PHACTR2: variants seen among roughly 807,000 people sequenced by gnomAD.
PHACTR2 encodes the protein phosphatase and actin regulator 2, also known as chromosome 6 open reading frame 56.
A neutral mutation model predicts 76.0 loss-of-function variants in PHACTR2; 30 were observed. The ratio of observed to expected loss-of-function variants is 0.39; its 90% CI spans 0.30 to 0.54. PHACTR2 has a LOEUF of 0.54. PHACTR2 is among the 20% of genes least tolerant of loss of function. PHACTR2 has a pLI of 0.61. For missense variants in PHACTR2, 696 were observed against 781.1 expected, an observed-to-expected ratio of 0.89 and a Z score of 1.30; for synonymous variants, 292 against 292.5, an observed-to-expected ratio of 1.00 and a Z score of 0.02.
rs1156894752 is a variant in PHACTR2 at position 143,731,829 on chromosome 6, A to C, written c.215-17156A>C. Among the ~76,000 whole-genome samples, 1 of 152,242 alleles carries C rather than the reference A, an allele frequency of 6.6e-6. No homozygotes were observed. Among genetic ancestry groups the C allele is most frequent in the Non-Finnish European group, 1.5e-5 (1 of 68,044 alleles). ...TCTTGAAATGTTTGGTAGAATAAAC[A>C]GTAAAGCATTATGGACCTGAAGATT... is the stretch of plus-strand genomic sequence containing the variant. On this transcript the variant is annotated intron_variant, in intron 2 of 12. Transcript: ENST00000440869. This position sits in a 1 kb window ranked among gnomAD's most constrained non-coding sequence, Gnocchi z 4.9.
rs1193837097 is a variant in PHACTR2, at chr6:143,641,103, G to T, written c.13+32781G>T. On this transcript the variant is annotated intron_variant, in intron 1 of 11. Transcript: ENST00000305766. This position sits in a 1 kb window ranked among gnomAD's most constrained non-coding sequence, Gnocchi z 5.8. ...AGGGCATTCTTCATGACTCAGGGAG[G>T]CAGGTGTCACATGGCAGAAGGGCAA... Among the ~76,000 whole-genome samples, 2 of 152,176 alleles carry T rather than the reference G, an allele frequency of 1.3e-5. No homozygotes were observed. Among genetic ancestry groups the T allele is most frequent in the African/African-American group, 4.8e-5 (2 of 41,426 alleles).
intron 1 of PHACTR2, among the ~76,000 whole-genome samples, chr6:143,552,888 GAA>G (rs35606517): frequency 0.29 from 33,920 of 117,486 alleles, 3,878 homozygotes; most frequent in Middle Eastern, 0.36. Flanking sequence ...ATCTCAAAAA[GAA>G]AAAAAAAAAA....
chr6:143,551,680 G>C (rs2128427464), intron 1 of PHACTR2, among the ~76,000 whole-genome samples: 1 of 152,286 alleles, frequency 6.6e-6, no homozygotes, highest in Admixed American at 6.5e-5. Flanking sequence ...ATACACCTTA[G>C]TATCAGAGTG....
intron 9 of PHACTR2, among the ~76,000 whole-genome samples, chr6:143,778,497 A>G (rs1027836450): frequency 5.3e-5 from 8 of 151,654 alleles, no homozygotes; most frequent in Non-Finnish European, 8.8e-5. Flanking sequence ...ACATAACTAG[A>G]ATACAGCTCC....
chr6:143,563,557 A>AAAAAAAC (rs372095445), intron 1 of PHACTR2, among the ~76,000 whole-genome samples: 45,028 of 99,884 alleles, frequency 0.45, 8,281 homozygotes, highest in Middle Eastern at 0.51. Context: ...GTCTCAAAAA[A>AAAAAAAC]AAAAAAAAAA....
In PHACTR2 at chr6:143,700,791, C is replaced by T. The variant is rs1241776587; in HGVS notation, c.47-11225C>T. 2.6e-5 allele frequency among the ~76,000 whole-genome samples: 4 copies of T among 152,166 alleles called. No homozygotes were observed. Among genetic ancestry groups the T allele is most frequent in the Non-Finnish European group, 5.9e-5 (4 of 68,030 alleles). On this transcript the variant is annotated intron_variant, in intron 1 of 12. Coordinates refer to ENST00000440869, the MANE Select transcript of PHACTR2 (RefSeq NM_001100164.2). This position sits in a 1 kb window ranked among gnomAD's most constrained non-coding sequence, Gnocchi z 4.1. ...TTCCTTTTCACAAACACAGCACACA[C>T]TCTACACACCATGACCTGCTCCACT... is the stretch of plus-strand genomic sequence containing the variant.
At chr6:143,574,712 C>T (rs1201131655) in intron 1 of PHACTR2, among the ~76,000 whole-genome samples, 3 of 150,422 alleles carry the variant, frequency 2.0e-5, no homozygotes, top group Non-Finnish European at 4.4e-5. Flanking sequence ...AAAGCAGTGG[C>T]TCTGAGTCAG....
rs1467720226 is a variant in PHACTR2, at chr6:143,610,783, C to A, written c.13+2461C>A. Among the ~76,000 whole-genome samples the A allele has an allele frequency of 6.6e-6, 1 of 152,206 alleles. No individual in the cohort carries two copies. The highest frequency in any genetic ancestry group is 1.5e-5 in the Non-Finnish European group (1 of 68,036). On this transcript the variant is annotated intron_variant, in intron 1 of 11. Coordinates refer to the PHACTR2 transcript ENST00000305766. This position sits in a 1 kb window ranked among gnomAD's most constrained non-coding sequence, Gnocchi z 4.9. ...CTCAGAGAAGGAGACATCCCTTCCC[C>A]ATAATTGCTGGCTTCTGTATTCCTT...
In PHACTR2 at chr6:143,820,701, G is replaced by T. The variant is rs1423997696; in HGVS notation, c.1923-2973G>T. On this transcript the variant is annotated intron_variant, in intron 12 of 12. Transcript: ENST00000440869. This position sits in a 1 kb window ranked among gnomAD's most constrained non-coding sequence, Gnocchi z 4.2. ...AGCTGCCAGTGGATCTACCATTCTG[G>T]GGTCTGGAGGACAGTGACTTCCTTT... is the stretch of plus-strand genomic sequence containing the variant. Among the ~76,000 whole-genome samples the T allele has an allele frequency of 6.6e-6, 1 of 152,156 alleles. No homozygotes were observed. Among genetic ancestry groups the T allele is most frequent in the Non-Finnish European group, 1.5e-5 (1 of 68,024 alleles).
At chr6:143,542,024 G>GT (rs1245288905) in intron 1 of PHACTR2, among the ~76,000 whole-genome samples, 1 of 152,170 alleles carries the variant, frequency 6.6e-6, no homozygotes, top group Non-Finnish European at 1.5e-5. Context: ...CTCAGAGTGG[G>GT]TTTTTTTCCA....
chr6:143,727,338 A>G (rs1778594996), intron 2 of PHACTR2, among the ~76,000 whole-genome samples: 1 of 151,400 alleles, frequency 6.6e-6, no homozygotes, highest in Non-Finnish European at 1.5e-5. Context: ...ACATAATCAT[A>G]TTTTCTTTAT....
rs1165166021 is a variant in PHACTR2 at position 143,807,132 on chromosome 6, A to C, written c.1921A>C (p.Arg641=). Residue 641 remains arginine (R), a splice_region_variant and synonymous_variant, in exon 12 of 13, where the codon AGG becomes CGG. Coordinates refer to ENST00000440869, the MANE Select transcript of PHACTR2 (RefSeq NM_001100164.2). The surrounding 1 kb of genome is among the most constrained non-coding windows in gnomAD (Gnocchi z 5.5). ...EVHEESRQFT[R]FHRP is the part of the protein sequence containing the mutation. ...TCATGAAGAGAGTCGACAGTTTACA[A>C]GGTAGGTGACAAAATGCAGCTTAGA... The C allele has an allele frequency of 1.3e-6, 2 of 1,585,032 alleles. No individual in the cohort carries two copies. Among genetic ancestry groups the C allele is most frequent in the East Asian group, 4.5e-5 (2 of 44,686 alleles).
At chr6:143,790,712 C>T (rs1189165153) in intron 11 of PHACTR2, among the ~76,000 whole-genome samples, 1 of 145,944 alleles carries the variant, frequency 6.9e-6, no homozygotes, top group Non-Finnish European at 1.5e-5. Context: ...CTCACTCTGT[C>T]ACCCAGGCTG....
intron 9 of PHACTR2, among the ~76,000 whole-genome samples, chr6:143,781,144 G>T (rs969565210): frequency 6.6e-6 from 1 of 152,224 alleles, no homozygotes; most frequent in African/African-American, 2.4e-5. Context: ...CAGAGGAACA[G>T]TCATGTTGGC....
At chr6:143,714,560 T>C (rs1778259530) in intron 2 of PHACTR2, among the ~76,000 whole-genome samples, 1 of 152,246 alleles carries the variant, frequency 6.6e-6, no homozygotes. Flanking sequence ...TCTTGCCCTA[T>C]AAGGCAGGCT....
chr6:143,712,782 T>C (rs1052313057), intron 2 of PHACTR2, among the ~76,000 whole-genome samples: 1 of 152,226 alleles, frequency 6.6e-6, no homozygotes, highest in African/African-American at 2.4e-5. Context: ...AAATGGTCTC[T>C]GTCTTAAGAG....
rs996180835 is a variant in PHACTR2 at position 143,809,420 on chromosome 6, A to G, written c.1922+2287A>G. 2.0e-5 allele frequency among the ~76,000 whole-genome samples: 3 copies of G among 151,980 alleles called. No homozygotes were observed. The highest frequency in any genetic ancestry group is 7.3e-5 in the African/African-American group (3 of 41,364). On this transcript the variant is annotated intron_variant, in intron 12 of 12. Coordinates refer to ENST00000440869, the MANE Select transcript of PHACTR2 (RefSeq NM_001100164.2). The surrounding 1 kb of genome is among the most constrained non-coding windows in gnomAD (Gnocchi z 4.2). ...GAGATGAGGTCTTGCTATGTTGCCC[A>G]GGCTGGTCTTGAAGTCCTGAGCTCA... is the stretch of plus-strand genomic sequence containing the variant.
rs2128447953 is a variant in PHACTR2 at position 143,659,157 on chromosome 6, T to C, written c.13+50835T>C. Among the ~76,000 whole-genome samples the C allele has an allele frequency of 6.6e-6, 1 of 152,294 alleles. No homozygotes were observed. The highest frequency in any genetic ancestry group is 1.9e-4 in the East Asian group (1 of 5,180). On this transcript the variant is annotated intron_variant, in intron 1 of 11. Transcript: ENST00000305766. The surrounding 1 kb of genome is among the most constrained non-coding windows in gnomAD (Gnocchi z 5.0). ...GTGAATGTGAAAGCCTTGGATATTATTCTACACCACTATAGACTTTATAAA... is the reference window on the plus strand; with the variant it reads ...GTGAATGTGAAAGCCTTGGATATTACTCTACACCACTATAGACTTTATAAA...
chr6:143,676,854 T>G (rs1344877288), upstream of PHACTR2, among the ~76,000 whole-genome samples: 2 of 152,110 alleles, frequency 1.3e-5, no homozygotes, highest in Non-Finnish European at 2.9e-5. This position sits in a 1 kb window ranked among gnomAD's most constrained non-coding sequence, Gnocchi z 4.8. Flanking sequence ...GTGGGCTATT[T>G]GGGTGTGAAA....
Sources: allele counts gnomAD v4.1 joint callset (sites outside exome capture counted in the v4.1 genomes callset), GRCh38; gene constraint gnomAD v4.1.1; non-coding constraint Gnocchi (gnomAD v3.1); transcripts MANE v1.5; gene names NCBI Gene and HGNC (gene_info 2026-07-23, HGNC 2026-07-21).